RANGAP1: variants seen among roughly 807,000 people sequenced by gnomAD.
RANGAP1 encodes the protein Ran GTPase activating protein 1, also known as ran GTPase-activating protein 1.
In RANGAP1, 38 loss-of-function variants were observed where a neutral mutation model predicts 63.5. That is an observed-to-expected ratio of 0.60 (90% CI 0.46 to 0.78). The LOEUF is 0.78. RANGAP1 is among the 30% of genes least tolerant of loss of function. RANGAP1 has a pLI of 0.00. For synonymous variants in RANGAP1, 329 were observed against 310.5 expected, an observed-to-expected ratio of 1.06 and a Z score of -0.63; for missense variants, 630 against 740.3, an observed-to-expected ratio of 0.85 and a Z score of 1.73.
At chr22:41,273,099 C>T (rs537047010) in intron 3 of RANGAP1, among the ~76,000 whole-genome samples, 3 of 152,186 alleles carry the variant, frequency 2.0e-5, no homozygotes, top group East Asian at 1.9e-4. Flanking sequence ...CCCGACTGAT[C>T]GTGGCTATTT....
At chr22:41,274,779 A>G in intron 2 of RANGAP1, 52 bp from the exon 3 acceptor site, 6 of 1,605,370 alleles carry the variant, frequency 3.7e-6, no homozygotes, top group Non-Finnish European at 5.1e-6. Flanking sequence ...ACAAACAGCT[A>G]AGATAGGAGA....
intron 1 of RANGAP1, 141 bp from the exon 2 acceptor site, chr22:41,281,223 G>A (rs2035474771): frequency 9.9e-7 from 1 of 1,010,418 alleles, no homozygotes; most frequent in Admixed American, 3.3e-5. Flanking sequence ...CTGGAAGAAA[G>A]GAAAACAGCA....
intron 1 of RANGAP1, chr22:41,284,965 C>A (rs1050774601): frequency 6.6e-6 from 1 of 152,138 alleles, no homozygotes; most frequent in Non-Finnish European, 1.5e-5. Flanking sequence ...TCGAGACAAG[C>A]CTGGGCAACA....
At chr22:41,263,333 G>A (rs2034277997) in intron 5 of RANGAP1, among the ~76,000 whole-genome samples, 1 of 152,322 alleles carries the variant, frequency 6.6e-6, no homozygotes, top group Non-Finnish European at 1.5e-5. Context: ...GTTGGGCCAC[G>A]CCTGCTTTCT....
At chr22:41,275,451 C>G (rs1428405435) in intron 2 of RANGAP1, among the ~76,000 whole-genome samples, 1 of 151,214 alleles carries the variant, frequency 6.6e-6, no homozygotes, top group Non-Finnish European at 1.5e-5. Flanking sequence ...GAGATCATGT[C>G]ACTGCACTCC....
At position 41,281,075 on chromosome 22, in the gene RANGAP1, T is replaced by A. The variant is rs1447550775; in HGVS notation, c.-31A>T. ...CTAGGCTGGTGGGCTCCCCTGGAGA[T>A]CTGCAGACTGAGGAGGCCAAAGTTG... On this transcript the variant is annotated 5_prime_UTR_variant, in exon 2 of 16. Coordinates refer to ENST00000356244, the MANE Select transcript of RANGAP1 (RefSeq NM_002883.4). The A allele has an allele frequency of 1.9e-6, 3 of 1,551,784 alleles. No homozygotes were observed. Among genetic ancestry groups the A allele is most frequent in the Non-Finnish European group, 2.6e-6 (3 of 1,155,696 alleles).
chr22:41,293,184 G>A, the RANGAP1 span, among the ~76,000 whole-genome samples: 79 of 150,628 alleles, frequency 5.2e-4, no homozygotes, highest in African/African-American at 1.9e-3. Flanking sequence ...GTAGTGAGCC[G>A]AGATCGCGCC....
chr22:41,246,756 A>T (rs1434064992), intron 15 of RANGAP1, 84 bp from the exon 16 acceptor site: 39 of 1,256,428 alleles, frequency 3.1e-5, no homozygotes, highest in Non-Finnish European at 4.2e-5. Context: ...TGCCAGACTC[A>T]TTTTTGTTAA....
At chr22:41,256,404 G>T in intron 8 of RANGAP1, 114 bp from the exon 9 acceptor site, 1 of 993,364 alleles carries the variant, frequency 1.0e-6, no homozygotes, top group Non-Finnish European at 1.5e-6. Context: ...TCCTCCAGGT[G>T]GGGCAAAGTG....
chr22:41,252,151 T>G (rs2033498085), intron 12 of RANGAP1, among the ~76,000 whole-genome samples: 3 of 151,934 alleles, frequency 2.0e-5, no homozygotes, highest in Admixed American at 2.0e-4. Context: ...GCCAACGTGG[T>G]GAAACCTCGT....
chr22:41,283,224 TGGG>T (rs77074878), intron 1 of RANGAP1, among the ~76,000 whole-genome samples: 57,033 of 125,746 alleles, frequency 0.45, 11,369 homozygotes, highest in Middle Eastern at 0.5. Context: ...AGGGGGGGGT[TGGG>T]GGGCCGGGAG....
chr22:41,268,970 A>G (rs1342034334), intron 3 of RANGAP1, among the ~76,000 whole-genome samples: 1 of 152,270 alleles, frequency 6.6e-6, no homozygotes, highest in African/African-American at 2.4e-5. Flanking sequence ...GCCATTAAAC[A>G]GCAACAGCAT....
At chr22:41,247,257 A>G (rs574402445) in intron 15 of RANGAP1, among the ~76,000 whole-genome samples, 5 of 152,100 alleles carry the variant, frequency 3.3e-5, no homozygotes, top group South Asian at 2.1e-4. Flanking sequence ...GGGTTTCACC[A>G]TGTTAGCCAG....
At chr22:41,287,175 A>G (rs2035771616), upstream of RANGAP1, among the ~76,000 whole-genome samples, 1 of 152,202 alleles carries the variant, frequency 6.6e-6, no homozygotes, top group African/African-American at 2.4e-5. Context: ...TGCTGAAATA[A>G]TTAGGGACAA....
At chr22:41,246,962 C>G (rs1442906702) in intron 15 of RANGAP1, among the ~76,000 whole-genome samples, 2 of 152,218 alleles carry the variant, frequency 1.3e-5, no homozygotes, top group African/African-American at 4.8e-5. Flanking sequence ...TCCTTACTGG[C>G]TGCCAGTGGC....
chr22:41,253,298 G>A (rs576651803), intron 11 of RANGAP1, among the ~76,000 whole-genome samples: 3 of 152,300 alleles, frequency 2.0e-5, no homozygotes, highest in African/African-American at 4.8e-5. Context: ...AAATGACTAC[G>A]GAGGCACATG....
chr22:41,244,817 T>C lies in RANGAP1; in HGVS notation c.*1786A>G, dbSNP rs1375736960. 6.6e-6 allele frequency among the ~76,000 whole-genome samples: 1 copy of C among 152,220 alleles called. No homozygotes were observed. The highest frequency in any genetic ancestry group is 2.4e-5 in the African/African-American group (1 of 41,448). The stretch of plus-strand genomic sequence containing the variant: ...ATTTTTATGTGTACAATTCAGTGCA[T>C]TAAGTACATTCACAATGTTATGCAA... On this transcript the variant is annotated 3_prime_UTR_variant, in exon 16 of 16. Coordinates refer to ENST00000356244, the MANE Select transcript of RANGAP1 (RefSeq NM_002883.4).
chr22:41,251,197 T>C, intron 12 of RANGAP1, 88 bp from the exon 13 acceptor site: 1 of 1,005,548 alleles, frequency 9.9e-7, no homozygotes, highest in South Asian at 1.4e-5. Context: ...GCCTGGGCAG[T>C]ACAAAGGCCC....
Position 41,246,534 on chromosome 22 carries a change from G to T in RANGAP1, c.*69C>A. 2 of 1,448,606 alleles carry T rather than the reference G, an allele frequency of 1.4e-6. No homozygotes were observed. The highest frequency in any genetic ancestry group is 1.2e-5 in the South Asian group (1 of 81,624). The allele number at this position is 1,448,606 out of a possible 1,614,324, so 89.7% of individuals were successfully genotyped here. A position where few individuals can be genotyped will look rare whatever the true frequency, so the allele number is the denominator to read the frequency against. Reference sequence around the variant, plus strand: ...CCTGTCCAAGGCAATGGCGTAGGCTGCGCCTCAGTTCATCCGAGTCCCTCC... The same window carrying T: ...CCTGTCCAAGGCAATGGCGTAGGCTTCGCCTCAGTTCATCCGAGTCCCTCC... On this transcript the variant is annotated 3_prime_UTR_variant, in exon 16 of 16. Transcript: ENST00000356244.
Sources: gnomAD v4.1 joint callset for allele counts (sites outside exome capture counted in the v4.1 genomes callset) on GRCh38, gnomAD v4.1.1 for gene constraint, MANE v1.5 for transcripts, NCBI Gene and HGNC (gene_info 2026-07-23, HGNC 2026-07-21) for gene names.